The following MORN1 variants were observed in gnomAD, a reference collection of about 807,000 sequenced individuals.
MORN1 encodes the protein MORN repeat containing 1.
Under a neutral mutation model 61.9 loss-of-function variants are expected in MORN1, and 67 were observed. The ratio of observed to expected loss-of-function variants is 1.08; its 90% confidence interval spans 0.89 to 1.33. The LOEUF (loss-of-function observed/expected upper bound fraction) is 1.33. Among genes scored for constraint, MORN1 ranks in the 40% most tolerant of loss-of-function variants. MORN1 has a pLI of 0.00. For missense variants in MORN1, 752 were observed against 691.2 expected, an observed-to-expected ratio of 1.09 and a Z score of -0.99; for synonymous variants, 301 against 292.0, an observed-to-expected ratio of 1.03 and a Z score of -0.31.
Position 2,325,975 on chromosome 1 carries a change from C to T in MORN1, c.1251-1832G>A, listed in dbSNP as rs192258276. On this transcript the variant is annotated intron_variant, in intron 12 of 13. Transcript: ENST00000378531. ...CAGGTGTGCCGGGCTGGGCTGTGTCCGGAATTACCCATCAAATGGGCCTGG... is the reference window on the plus strand; with the variant it reads ...CAGGTGTGCCGGGCTGGGCTGTGTCTGGAATTACCCATCAAATGGGCCTGG... Among the ~76,000 whole-genome samples, 472 of 152,226 alleles carry T rather than the reference C, an allele frequency of 3.1e-3. 5 individuals carry two copies. Among genetic ancestry groups the T allele is most frequent in the Middle Eastern group, 3.4e-3 (1 of 292 alleles).
At position 2,358,812 on chromosome 1, in the gene MORN1, T is replaced by A. The variant is rs1053180641; in HGVS notation, c.746-97A>T. Reference sequence around the variant, plus strand: ...GCTTCTGGGACGCTGTGTTTATAACTCAGCGGGGCCACATTTGCCAGTGGC... The same window carrying A: ...GCTTCTGGGACGCTGTGTTTATAACACAGCGGGGCCACATTTGCCAGTGGC... On this transcript the variant is annotated intron_variant, in intron 8 of 13. Coordinates refer to ENST00000378531, the MANE Select transcript of MORN1 (RefSeq NM_024848.3). 9.1e-6 allele frequency: 13 copies of A among 1,432,018 alleles called. No homozygotes were observed. The African/African-American group carries it at 1.1e-4, about 13-fold the overall frequency. The allele number at this position is 1,432,018 out of a possible 1,614,324, so 88.7% of individuals were successfully genotyped here.
At chr1:2,380,783 T>A (rs1359313671) in intron 6 of MORN1, among the ~76,000 whole-genome samples, 1 of 152,202 alleles carries the variant, frequency 6.6e-6, no homozygotes, top group East Asian at 1.9e-4. Context: ...CTTGAACTCC[T>A]GGGCTCAAGC....
intron 12 of MORN1, among the ~76,000 whole-genome samples, chr1:2,328,877 G>A (rs1173087547): frequency 1.3e-5 from 2 of 152,202 alleles, no homozygotes; most frequent in African/African-American, 4.8e-5. Flanking sequence ...CCTGGGCCGA[G>A]GAACTGGGGG....
intron 8 of MORN1, among the ~76,000 whole-genome samples, chr1:2,369,888 T>C (rs925302499): frequency 6.6e-6 from 1 of 152,202 alleles, no homozygotes; most frequent in Non-Finnish European, 1.5e-5. Context: ...GCCTCAGTGT[T>C]GGTAAGATTT....
intron 10 of MORN1, chr1:2,350,702 C>G (rs1232434595): frequency 6.6e-6 from 1 of 152,324 alleles, no homozygotes; most frequent in Non-Finnish European, 1.5e-5. Context: ...CCTGGCCCAG[C>G]AGGAGGTGCC....
chr1:2,371,293 G>C (rs939537618), intron 8 of MORN1: 1 of 152,110 alleles, frequency 6.6e-6, no homozygotes, highest in Non-Finnish European at 1.5e-5. Context: ...TCAGCCTCCC[G>C]AAGTGCTGGG....
In MORN1 at chr1:2,372,762, C is replaced by CTG. The variant is rs1169032953; in HGVS notation, c.635-173_635-172dup. On this transcript the variant is annotated intron_variant, in intron 7 of 13. Coordinates refer to ENST00000378531, the MANE Select transcript of MORN1 (RefSeq NM_024848.3). This position sits in a 1 kb window ranked among gnomAD's most constrained non-coding sequence, Gnocchi z 5.4. The stretch of plus-strand genomic sequence containing the variant: ...GCAAACCACCTTGCAGAGCAGCGAC[C>CTG]TGGGCAGTCGTCCACACTCAGACCG... 0.28 allele frequency among the ~76,000 whole-genome samples: 41,938 copies of CTG among 151,882 alleles called. 6,920 individuals are homozygous for CTG. The highest frequency in any genetic ancestry group is 0.54 in the East Asian group (2,738 of 5,112).
chr1:2,340,925 C>T (rs1641380598), intron 10 of MORN1, among the ~76,000 whole-genome samples: 2 of 152,274 alleles, frequency 1.3e-5, no homozygotes, highest in Non-Finnish European at 2.9e-5. Context: ...GGCTGCCACA[C>T]AAGCCAAAAC....
rs551884838 is a variant in MORN1 at position 2,336,051 on chromosome 1, G to A, written c.1250+418C>T. 1.7e-4 allele frequency among the ~76,000 whole-genome samples: 26 copies of A among 152,274 alleles called. No homozygotes were observed. In the South Asian group the frequency reaches 2.1e-3, roughly 12 times the overall value. On this transcript the variant is annotated intron_variant, in intron 12 of 13. Transcript: ENST00000378531. The stretch of plus-strand genomic sequence containing the variant: ...CGGTGTCCCCGCCTGCACGTGCCGC[G>A]GTGTGCACCTGGTCCCACTCCTGTC...
At chr1:2,323,218 G>T (rs1039842831) in intron 13 of MORN1, 4 of 985,270 alleles carry the variant, frequency 4.1e-6, no homozygotes, top group Non-Finnish European at 3.6e-6. Context: ...AGCCGCTCCC[G>T]TCACCAAGGC....
At chr1:2,324,295 G>T in intron 12 of MORN1, 152 bp from the exon 13 acceptor site, 1 of 743,158 alleles carries the variant, frequency 1.3e-6, no homozygotes, top group Non-Finnish European at 2.2e-6. Context: ...GCCATGGGCA[G>T]GACGGGGAGA....
Position 2,321,272 on chromosome 1 carries a change from T to C in MORN1, c.*111A>G. 1.2e-6 allele frequency: 1 copy of C among 857,972 alleles called. No homozygotes were observed. The highest frequency in any genetic ancestry group is 1.8e-5 in the African/African-American group (1 of 56,924). 53.1% of individuals were successfully genotyped at this position (857,972 alleles called of 1,614,324 possible). A position where few individuals can be genotyped will look rare whatever the true frequency, so the allele number is the denominator to read the frequency against. On this transcript the variant is annotated 3_prime_UTR_variant, in exon 14 of 14. Transcript: ENST00000378531. ...CCTCCATAGCCGCCACTGAGCATTTTATTCAAGCCAGCAACCACGGGGCTC... is the reference window on the plus strand; with the variant it reads ...CCTCCATAGCCGCCACTGAGCATTTCATTCAAGCCAGCAACCACGGGGCTC...
chr1:2,324,630 G>A (rs1445621516), intron 12 of MORN1, among the ~76,000 whole-genome samples: 2 of 152,164 alleles, frequency 1.3e-5, no homozygotes, highest in East Asian at 1.9e-4. Context: ...CAGAGGCCCA[G>A]TGTCACCTGG....
chr1:2,384,626 G>A, intron 6 of MORN1, among the ~76,000 whole-genome samples: 1 of 152,224 alleles, frequency 6.6e-6, no homozygotes, highest in African/African-American at 2.4e-5. Flanking sequence ...CCCCGCCTCA[G>A]CTGCGCCACC....
At position 2,374,863 on chromosome 1, in the gene MORN1, A is replaced by T. The variant is rs116077757; in HGVS notation, c.538-306T>A. The T allele has an allele frequency of 1.6e-3, 493 of 308,666 alleles. 1 individual carries two copies. Among genetic ancestry groups the T allele is most frequent in the African/African-American group, 9.9e-3 (462 of 46,710 alleles). The allele number at this position is 308,666 out of a possible 1,614,324, so 19.1% of individuals were successfully genotyped here. The stretch of plus-strand genomic sequence containing the variant: ...CCTCGAAGGGGCACATTTCAGCAAA[A>T]AAAAAAAATCCTTTTAATACAAAGA... On this transcript the variant is annotated intron_variant, in intron 6 of 13. Transcript: ENST00000378531.
intron 12 of MORN1, among the ~76,000 whole-genome samples, chr1:2,333,820 A>G (rs1641211066): frequency 6.6e-6 from 1 of 152,232 alleles, no homozygotes; most frequent in Non-Finnish European, 1.5e-5. Flanking sequence ...GCCACGACAC[A>G]GCGAGGGTTC....
chr1:2,325,119 TTCCCTTCCTTCCTTCCCTCCCTCCC>T (rs1640980416), intron 12 of MORN1, among the ~76,000 whole-genome samples: 1 of 55,636 alleles, frequency 1.8e-5, no homozygotes, highest in African/African-American at 1.2e-4. Flanking sequence ...CTTCCCTTCC[TTCCCTTCCTTCCTTCCCTCCCTCCC>T]TCCCTTCCTT....
At chr1:2,352,154 T>C (rs773180459) in intron 10 of MORN1, 1 of 349,270 alleles carries the variant, frequency 2.9e-6, no homozygotes, top group Admixed American at 3.8e-5. Context: ...TGGTTCTGCA[T>C]TAATAATAGC....
In MORN1 at chr1:2,338,003, G is replaced by A. The variant is rs764673818; in HGVS notation, c.1037-1153C>T. On this transcript the variant is annotated intron_variant, in intron 10 of 13. Coordinates refer to ENST00000378531, the MANE Select transcript of MORN1 (RefSeq NM_024848.3). The stretch of plus-strand genomic sequence containing the variant: ...GAGGGGTGCACAGGAGGCTGGGTCT[G>A]TTTGGGCTCAGCTTCATTTGAGGCC... Among the ~76,000 whole-genome samples the A allele has an allele frequency of 6.6e-5, 10 of 152,318 alleles. No individual in the cohort carries two copies. The South Asian group carries it at 8.3e-4, about 13-fold the overall frequency.
Sources: allele counts gnomAD v4.1 joint callset (sites outside exome capture counted in the v4.1 genomes callset), GRCh38; gene constraint gnomAD v4.1.1; non-coding constraint Gnocchi (gnomAD v3.1); transcripts MANE v1.5; gene names NCBI Gene and HGNC (gene_info 2026-07-23, HGNC 2026-07-21).